Variants in LRMDA observed in about 807,000 individuals in gnomAD.
The protein encoded by LRMDA is leucine rich melanocyte differentiation associated.
LRMDA carries 18 observed loss-of-function variants against 29.8 expected under a neutral mutation model. The ratio of observed to expected loss-of-function variants is 0.60; its 90% CI spans 0.42 to 0.90. LRMDA has a LOEUF of 0.90. Among genes scored for constraint, LRMDA ranks in the 40% least tolerant of loss-of-function variants. LRMDA has a pLI of 0.00. For missense variants in LRMDA, 273 were observed against 273.9 expected (o/e 1.00, Z 0.02); for synonymous variants, 125 against 109.4 (o/e 1.14, Z -0.89).
intron 5 of LRMDA, among the ~76,000 whole-genome samples, chr10:76,087,547 G>T (rs1021924199): frequency 6.6e-5 from 10 of 152,152 alleles, no homozygotes; most frequent in African/African-American, 2.2e-4. Context: ...GGTGATTGGG[G>T]TCCCTCAAAG....
chr10:76,347,957 A>G (rs1014100819), intron 6 of LRMDA, among the ~76,000 whole-genome samples: 7 of 152,152 alleles, frequency 4.6e-5, no homozygotes, highest in African/African-American at 1.4e-4. Flanking sequence ...CTAATAATAT[A>G]TGCATTGTAC....
chr10:75,621,234 C>CCCCACA (rs373236306), intron 2 of LRMDA, among the ~76,000 whole-genome samples: 15 of 144,460 alleles, frequency 1.0e-4, no homozygotes, highest in African/African-American at 4.0e-4. Context: ...ACCCACACAC[C>CCCCACA]CACACACACA....
chr10:76,309,758 C>T (rs1364615410), intron 5 of LRMDA, among the ~76,000 whole-genome samples: 3 of 152,108 alleles, frequency 2.0e-5, no homozygotes, highest in Non-Finnish European at 4.4e-5. Flanking sequence ...TTGCTGTCCA[C>T]CCTCTGGCAG....
intron 2 of LRMDA, among the ~76,000 whole-genome samples, chr10:75,639,383 A>G (rs750596507): frequency 1.3e-5 from 2 of 152,126 alleles, no homozygotes; most frequent in Non-Finnish European, 2.9e-5. Context: ...AAGGGTGGAG[A>G]TGAGGGAAGG....
intron 5 of LRMDA, among the ~76,000 whole-genome samples, chr10:76,068,650 T>A (rs1030088972): frequency 2.6e-5 from 4 of 152,210 alleles, no homozygotes; most frequent in African/African-American, 9.6e-5. Flanking sequence ...TTGTATCTAA[T>A]AGACCACAGA....
chr10:75,810,701 A>G (rs1843943220), intron 2 of LRMDA, among the ~76,000 whole-genome samples: 1 of 152,158 alleles, frequency 6.6e-6, no homozygotes, highest in African/African-American at 2.4e-5. Flanking sequence ...CAGCTATGAG[A>G]GACAATTACA....
At chr10:75,481,420 C>T (rs1472750699) in intron 2 of LRMDA, among the ~76,000 whole-genome samples, 1 of 152,052 alleles carries the variant, frequency 6.6e-6, no homozygotes, top group African/African-American at 2.4e-5. Context: ...CTTGGAATAG[C>T]CATCAGATTT....
intron 5 of LRMDA, among the ~76,000 whole-genome samples, chr10:76,081,020 T>TA (rs1441047380): frequency 6.6e-6 from 1 of 152,204 alleles, no homozygotes; most frequent in East Asian, 1.9e-4. Flanking sequence ...GCGCTTTCAC[T>TA]AAAGACTTCC....
intron 5 of LRMDA, among the ~76,000 whole-genome samples, chr10:76,140,696 C>G (rs934172556): frequency 6.6e-6 from 1 of 152,092 alleles, no homozygotes; most frequent in Non-Finnish European, 1.5e-5. Context: ...GTGGAACTCT[C>G]TCTCTCTCTC....
chr10:75,488,615 T>C (rs1056304528), intron 2 of LRMDA, among the ~76,000 whole-genome samples: 5 of 152,160 alleles, frequency 3.3e-5, no homozygotes, highest in Non-Finnish European at 5.9e-5. Flanking sequence ...CCCATCGGAT[T>C]TTTGAGACTC....
chr10:76,049,721 A>G (rs1848498474), intron 4 of LRMDA, among the ~76,000 whole-genome samples: 1 of 152,042 alleles, frequency 6.6e-6, no homozygotes, highest in Non-Finnish European at 1.5e-5. Context: ...TTCCTGTGGC[A>G]TTTGTGTTTA....
chr10:76,185,984 T>C (rs1310007058), intron 5 of LRMDA, among the ~76,000 whole-genome samples: 1 of 152,226 alleles, frequency 6.6e-6, no homozygotes, highest in African/African-American at 2.4e-5. Context: ...AGTTTTTTTA[T>C]TAATCCAATG....
At chr10:75,757,223 C>T (rs2132224588) in intron 2 of LRMDA, among the ~76,000 whole-genome samples, 1 of 152,320 alleles carries the variant, frequency 6.6e-6, no homozygotes, top group South Asian at 2.1e-4. Context: ...GCTACCCTCC[C>T]AACCTCCCTT....
intron 2 of LRMDA, among the ~76,000 whole-genome samples, chr10:75,553,909 G>A (rs892034008): frequency 6.6e-6 from 1 of 152,110 alleles, no homozygotes; most frequent in African/African-American, 2.4e-5. Flanking sequence ...CTCTCCTTGT[G>A]GCTGGGGCTC....
At chr10:75,597,575 C>T (rs953382856) in intron 2 of LRMDA, among the ~76,000 whole-genome samples, 15 of 152,244 alleles carry the variant, frequency 9.9e-5, no homozygotes, top group African/African-American at 3.1e-4. Context: ...GTAATCCTGG[C>T]GTAGCAGGTG....
In LRMDA at chr10:75,792,432, T is replaced by C. The variant is rs540183377; in HGVS notation, c.132-243576T>C. Among the ~76,000 whole-genome samples, 3 of 152,236 alleles carry C rather than the reference T, an allele frequency of 2.0e-5. No homozygotes were observed. The South Asian group carries it at 6.2e-4, about 32-fold the overall frequency. ...GGTGCGTCCCACCATGCCTGGCTAA[T>C]TTTTGTATTTTTAGTAGAGATGGGG... is the stretch of plus-strand genomic sequence containing the variant. On this transcript the variant is annotated intron_variant, in intron 2 of 6. Coordinates refer to ENST00000611255, the MANE Select transcript of LRMDA (RefSeq NM_001305581.2).
chr10:76,278,326 T>C lies in LRMDA; in HGVS notation c.517-46075T>C, dbSNP rs146555886. ...AAGTGTTCCTCGGCAGGTTTGGTCATTACTGAATCTTCCGTAAGAAATTCT... is the reference window on the plus strand; with the variant it reads ...AAGTGTTCCTCGGCAGGTTTGGTCACTACTGAATCTTCCGTAAGAAATTCT... On this transcript the variant is annotated intron_variant, in intron 5 of 6. Transcript: ENST00000611255. 2.4e-3 allele frequency among the ~76,000 whole-genome samples: 364 copies of C among 152,308 alleles called. 1 individual carries two copies. Among genetic ancestry groups the C allele is most frequent in the African/African-American group, 8.3e-3 (345 of 41,578 alleles).
At chr10:76,323,826 C>T (rs2132397389) in intron 5 of LRMDA, among the ~76,000 whole-genome samples, 1 of 152,276 alleles carries the variant, frequency 6.6e-6, no homozygotes. Context: ...ACCACTACAT[C>T]CCAAATCCAA....
At chr10:75,888,594 A>G (rs1433825037) in intron 2 of LRMDA, among the ~76,000 whole-genome samples, 2 of 152,210 alleles carry the variant, frequency 1.3e-5, no homozygotes, top group South Asian at 2.1e-4. Flanking sequence ...ATTAGCACGA[A>G]TGTTTAGTGT....
Sources: gnomAD v4.1 joint callset for allele counts (sites outside exome capture counted in the v4.1 genomes callset) on GRCh38, gnomAD v4.1.1 for gene constraint, MANE v1.5 for transcripts, NCBI Gene and HGNC (gene_info 2026-07-23, HGNC 2026-07-21) for gene names.